Variants in MAP2 observed in about 807,000 individuals in gnomAD.
MAP2 encodes microtubule-associated protein 2.
In MAP2, 14 loss-of-function variants were observed where a neutral mutation model predicts 137.6. The observed-to-expected ratio is 0.10, with a 90% CI of 0.07 to 0.16. The LOEUF is 0.16. Ranked by LOEUF, MAP2 falls within the 10% of genes least tolerant of loss-of-function variation. MAP2 has a pLI of 1.00. For missense variants in MAP2, 2,088 were observed against 2,191.5 expected (o/e 0.95, Z 0.94); for synonymous variants, 786 against 782.3 (o/e 1.00, Z -0.08).
chr2:209,723,768 C>G (rs560490369), intron 13 of MAP2: 2 of 880,902 alleles, frequency 2.3e-6, no homozygotes, highest in East Asian at 4.9e-5. Flanking sequence ...TCTTTCCCAC[C>G]TCTTTCCAAC....
At chr2:209,679,462 CTT>C (rs1387487972) in intron 6 of MAP2, among the ~76,000 whole-genome samples, 1 of 151,920 alleles carries the variant, frequency 6.6e-6, no homozygotes, top group African/African-American at 2.4e-5. Flanking sequence ...AGGAGACTCT[CTT>C]AAATTCAATA....
At chr2:209,593,632 AAAATATATATATAT>A (rs1376321622) in intron 3 of MAP2, among the ~76,000 whole-genome samples, 4 of 61,154 alleles carry the variant, frequency 6.5e-5, no homozygotes, top group African/African-American at 2.8e-4. Context: ...AAAAAAAAAA[AAAATATATATATAT>A]ATATATATAT....
At chr2:209,575,241 G>T (rs1278163515) in intron 2 of MAP2, among the ~76,000 whole-genome samples, 1 of 152,034 alleles carries the variant, frequency 6.6e-6, no homozygotes, top group Non-Finnish European at 1.5e-5. Context: ...GGCAAGGAAG[G>T]CCGGGTGCGC....
rs1402565662 is a variant in MAP2 at position 209,457,984 on chromosome 2, C to CT, written c.-222+33716dup. 7.2e-5 allele frequency among the ~76,000 whole-genome samples: 11 copies of CT among 152,044 alleles called. No homozygotes were observed. The South Asian group carries it at 1.9e-3, about 26-fold the overall frequency. On this transcript the variant is annotated intron_variant, in intron 1 of 15. Coordinates refer to ENST00000682079, the MANE Select transcript of MAP2 (RefSeq NM_001375505.1). ...ATCTTGATTTTGTTGGGACTGCCAA[C>CT]TTTTTTTTGTTAAATTTTAAAAGGC...
chr2:209,591,323 G>A (rs2079179790), intron 3 of MAP2, among the ~76,000 whole-genome samples: 1 of 152,198 alleles, frequency 6.6e-6, no homozygotes, highest in South Asian at 2.1e-4. Context: ...GAGGTGGCCA[G>A]GGATGCTGCT....
At chr2:209,488,598 G>A (rs955649126) in intron 1 of MAP2, among the ~76,000 whole-genome samples, 9 of 152,078 alleles carry the variant, frequency 5.9e-5, no homozygotes, top group Non-Finnish European at 1.5e-5. Flanking sequence ...CGAGCTTGGT[G>A]GGGGGAGGGG....
chr2:209,704,451 A>G (rs2062757085), intron 11 of MAP2: 1 of 1,604,382 alleles, frequency 6.2e-7, no homozygotes, highest in Non-Finnish European at 8.5e-7. Context: ...CATGGCTAGA[A>G]TTCTACCTTG....
chr2:209,636,563 TTATA>T (rs112634424), intron 4 of MAP2, among the ~76,000 whole-genome samples: 27,824 of 148,342 alleles, frequency 0.19, 4,094 homozygotes, highest in African/African-American at 0.41. Flanking sequence ...TACGTATATA[TTATA>T]TATATATATA....
At chr2:209,502,340 G>A (rs852732) in intron 1 of MAP2, among the ~76,000 whole-genome samples, 1,756 of 152,240 alleles carry the variant, frequency 0.012, 37 homozygotes, top group African/African-American at 0.04. Flanking sequence ...AGATTATGCA[G>A]TATTTTTCTT....
At chr2:209,689,947 ATAACT>A (rs1251682669) in intron 7 of MAP2, among the ~76,000 whole-genome samples, 2 of 152,330 alleles carry the variant, frequency 1.3e-5, no homozygotes, top group South Asian at 2.1e-4. Flanking sequence ...TGAAGCTAAC[ATAACT>A]TGACTTAGGT....
At position 209,508,364 on chromosome 2, in the gene MAP2, G is replaced by A. The variant is rs562572700; in HGVS notation, c.-172+723G>A. ...CATGCCAGTTGTTGCTAAACTTTTT[G>A]TATAGGCTTTTGATTAATAATTAAC... is the stretch of plus-strand genomic sequence containing the variant. On this transcript the variant is annotated intron_variant, in intron 2 of 15. Transcript: ENST00000682079. Among the ~76,000 whole-genome samples, 9 of 151,248 alleles carry A rather than the reference G, an allele frequency of 6.0e-5. 1 individual carries two copies. Among genetic ancestry groups the A allele is most frequent in the African/African-American group, 1.9e-4 (8 of 41,318 alleles).
chr2:209,625,750 A>G (rs1476329634), intron 4 of MAP2, among the ~76,000 whole-genome samples: 1 of 152,210 alleles, frequency 6.6e-6, no homozygotes, highest in Non-Finnish European at 1.5e-5. Context: ...AATAAAAATA[A>G]CAGTGCATTT....
chr2:209,553,722 A>T (rs1328856532), intron 2 of MAP2, among the ~76,000 whole-genome samples: 1 of 152,164 alleles, frequency 6.6e-6, no homozygotes. Flanking sequence ...ACACTTATTT[A>T]ATTTGTCCTC....
At chr2:209,523,543 G>A (rs2150425860) in intron 2 of MAP2, among the ~76,000 whole-genome samples, 1 of 152,226 alleles carries the variant, frequency 6.6e-6, no homozygotes, top group Admixed American at 6.5e-5. Context: ...CCAAATGCTA[G>A]GCCCTTCTCT....
chr2:209,570,281 TCTC>T (rs1167333895), intron 2 of MAP2, among the ~76,000 whole-genome samples: 1 of 151,858 alleles, frequency 6.6e-6, no homozygotes, highest in East Asian at 1.9e-4. Context: ...TCTATGTTTA[TCTC>T]TTCCTCTTCT....
chr2:209,428,922 ATTTT>A lies in MAP2; in HGVS notation c.-222+4647_-222+4650del, dbSNP rs1264739091. 9.7e-5 allele frequency among the ~76,000 whole-genome samples: 13 copies of A among 133,446 alleles called. No homozygotes were observed. The East Asian group carries it at 3.0e-3, about 31-fold the overall frequency. The allele number at this position is 133,446 out of a possible 152,430, so 87.5% of individuals were successfully genotyped here. On this transcript the variant is annotated intron_variant, in intron 1 of 15. Transcript: ENST00000682079. The stretch of plus-strand genomic sequence containing the variant: ...AGCCTTCTTTGAATTACTTTATTTT[ATTTT>A]ATTTATTTATTTATTTATTTATTTA...
At chr2:209,524,253 G>T (rs2063697371) in intron 2 of MAP2, among the ~76,000 whole-genome samples, 2 of 152,050 alleles carry the variant, frequency 1.3e-5, no homozygotes, top group Non-Finnish European at 2.9e-5. Flanking sequence ...AATTTTAATA[G>T]TTATTTGTAT....
intron 2 of MAP2, among the ~76,000 whole-genome samples, chr2:209,575,552 A>G (rs771138432): frequency 1.2e-4 from 18 of 150,318 alleles, no homozygotes; most frequent in Non-Finnish European, 2.4e-4. Context: ...AAATACATAT[A>G]TATGTGGCAA....
intron 3 of MAP2, among the ~76,000 whole-genome samples, chr2:209,620,535 C>T (rs893741258): frequency 1.3e-5 from 2 of 152,222 alleles, no homozygotes; most frequent in Non-Finnish European, 2.9e-5. Flanking sequence ...TTTCAATTAT[C>T]AGTGCCTTTG....
Sources: gnomAD v4.1 joint callset for allele counts (sites outside exome capture counted in the v4.1 genomes callset) on GRCh38, gnomAD v4.1.1 for gene constraint, MANE v1.5 for transcripts, NCBI Gene and HGNC (gene_info 2026-07-23, HGNC 2026-07-21) for gene names.